Variants in CNTN6 observed in about 807,000 individuals in gnomAD.
CNTN6 encodes contactin 6.
A neutral mutation model predicts 122.8 loss-of-function variants in CNTN6; 137 were observed. That is an observed-to-expected ratio of 1.12 (90% CI 0.97 to 1.29). The LOEUF (loss-of-function observed/expected upper bound fraction) is 1.29. Ranked by LOEUF, CNTN6 falls within the 50% of genes most tolerant of loss-of-function variation. CNTN6 has a pLI of 0.00. For missense variants in CNTN6, 1,634 were observed against 1,223.4 expected (o/e 1.34, Z -5.01); for synonymous variants, 570 against 426.0 (o/e 1.34, Z -4.16).
rs1033835930 is a variant in CNTN6, at chr3:1,212,253, T to C, written c.56-8434T>C. 3.6e-5 allele frequency among the ~76,000 whole-genome samples: 2 copies of C among 55,834 alleles called. 1 individual carries two copies. Among genetic ancestry groups the C allele is most frequent in the East Asian group, 1.9e-3 (2 of 1,032 alleles). 36.6% of individuals were successfully genotyped at this position (55,834 alleles called of 152,430 possible). A position where few individuals can be genotyped will look rare whatever the true frequency, so the allele number is the denominator to read the frequency against. On this transcript the variant is annotated intron_variant, in intron 2 of 22. Coordinates refer to ENST00000446702, the MANE Select transcript of CNTN6 (RefSeq NM_001289080.2). ...TTGCCTTACTGCCAAATAAAACTTG[T>C]TTTTTTTTTTTTTTTTTGAGATAAG... is the stretch of plus-strand genomic sequence containing the variant.
chr3:1,390,588 C>CA (rs1165534365), intron 20 of CNTN6, among the ~76,000 whole-genome samples: 2 of 152,000 alleles, frequency 1.3e-5, no homozygotes, highest in Admixed American at 6.5e-5. Flanking sequence ...AATAGAGACA[C>CA]AAAAAACCCT....
chr3:1,217,933 C>T (rs2094150609), intron 2 of CNTN6, among the ~76,000 whole-genome samples: 1 of 152,212 alleles, frequency 6.6e-6, no homozygotes, highest in Admixed American at 6.5e-5. Flanking sequence ...TCACCTTACA[C>T]ATGAGTACTA....
chr3:1,335,398 C>G (rs1399282562), intron 11 of CNTN6, among the ~76,000 whole-genome samples: 2 of 152,158 alleles, frequency 1.3e-5, no homozygotes, highest in Non-Finnish European at 2.9e-5. Flanking sequence ...TCTCAGGCAA[C>G]TGAGGGAATC....
At chr3:1,382,892 T>A (rs1559980504) in intron 17 of CNTN6, 50 bp from the exon 18 acceptor site, 1 of 1,192,740 alleles carries the variant, frequency 8.4e-7, no homozygotes, top group East Asian at 2.3e-5. Context: ...TATAGTAGCT[T>A]AATAAAATAT....
chr3:1,129,158 G>C (rs2092266281), intron 1 of CNTN6, among the ~76,000 whole-genome samples: 1 of 152,056 alleles, frequency 6.6e-6, no homozygotes, highest in African/African-American at 2.4e-5. Flanking sequence ...AATCAATCTT[G>C]AGAGACCAGC....
chr3:1,351,036 T>G (rs929768973), intron 11 of CNTN6, among the ~76,000 whole-genome samples: 6 of 151,828 alleles, frequency 4.0e-5, no homozygotes, highest in African/African-American at 1.4e-4. Context: ...GGGAGAATAC[T>G]CTAAGATAAT....
At chr3:1,276,809 T>C (rs1309034288) in intron 4 of CNTN6, among the ~76,000 whole-genome samples, 2 of 152,196 alleles carry the variant, frequency 1.3e-5, no homozygotes, top group Non-Finnish European at 2.9e-5. Context: ...AATTTACTTA[T>C]ATGTAATATA....
intron 3 of CNTN6, among the ~76,000 whole-genome samples, chr3:1,226,598 G>T (rs566393924): frequency 6.6e-6 from 1 of 152,068 alleles, no homozygotes; most frequent in African/African-American, 2.4e-5. Context: ...CTAACTTCCC[G>T]CCAGTTTCTT....
At chr3:1,206,473 C>T (rs906234571) in intron 2 of CNTN6, among the ~76,000 whole-genome samples, 1 of 152,116 alleles carries the variant, frequency 6.6e-6, no homozygotes, top group South Asian at 2.1e-4. Context: ...GGGTGTCACT[C>T]AAGGTATTGT....
chr3:1,355,240 C>G (rs1223967336), intron 12 of CNTN6, among the ~76,000 whole-genome samples: 1 of 151,556 alleles, frequency 6.6e-6, no homozygotes. Flanking sequence ...CACACAAATA[C>G]ATATAAATAA....
intron 22 of CNTN6, 134 bp downstream of exon 22, chr3:1,402,620 T>A: frequency 1.5e-6 from 1 of 669,168 alleles, no homozygotes; most frequent in Non-Finnish European, 2.4e-6. Context: ...GAGCAAAAGG[T>A]GATGAGCCAT....
rs1260928896 is a variant in CNTN6, at chr3:1,383,178, T to C, written c.2401+2T>C. On this transcript the variant is annotated splice_donor_variant, in intron 18 of 22. Coordinates refer to ENST00000446702, the MANE Select transcript of CNTN6 (RefSeq NM_001289080.2). LOFTEE classifies it high-confidence loss of function. Reference sequence around the variant, plus strand: ...CCATTGTCTACTCTGGGGAAGATGGTAAGTTGTCCTCAACTCTGGTTTTCT... The same window carrying C: ...CCATTGTCTACTCTGGGGAAGATGGCAAGTTGTCCTCAACTCTGGTTTTCT... 6.2e-7 allele frequency: 1 copy of C among 1,611,278 alleles called. No individual in the cohort carries two copies. Among genetic ancestry groups the C allele is most frequent in the Non-Finnish European group, 8.5e-7 (1 of 1,177,508 alleles).
intron 4 of CNTN6, among the ~76,000 whole-genome samples, chr3:1,277,155 G>T (rs1048001943): frequency 6.6e-6 from 1 of 151,976 alleles, no homozygotes; most frequent in African/African-American, 2.4e-5. Context: ...ATAGATCTTG[G>T]TAGACAATTT....
chr3:1,114,692 C>T (rs528907859), intron 1 of CNTN6, among the ~76,000 whole-genome samples: 4 of 152,222 alleles, frequency 2.6e-5, no homozygotes, highest in South Asian at 4.1e-4. Context: ...AAGAATACTT[C>T]GCAAAAGTGG....
chr3:1,375,103 C>T (rs1459264433), intron 16 of CNTN6, among the ~76,000 whole-genome samples: 1 of 151,928 alleles, frequency 6.6e-6, no homozygotes, highest in African/African-American at 2.4e-5. Context: ...AATAGATTAG[C>T]CAAAGAAAGT....
intron 2 of CNTN6, among the ~76,000 whole-genome samples, chr3:1,157,864 T>C (rs1240928850): frequency 1.3e-5 from 2 of 152,224 alleles, no homozygotes; most frequent in Non-Finnish European, 2.9e-5. Context: ...CCATTTTGCA[T>C]ACGCACCACA....
At chr3:1,112,623 G>T (rs554367047) in intron 1 of CNTN6, among the ~76,000 whole-genome samples, 7 of 152,226 alleles carry the variant, frequency 4.6e-5, no homozygotes, top group Admixed American at 3.9e-4. Flanking sequence ...TTTGAGGACA[G>T]ATCTTCCCCT....
Position 1,209,964 on chromosome 3 carries a change from ATC to A in CNTN6, c.56-10717_56-10716del, listed in dbSNP as rs1156727228. ...TGCTCCCACCACCTTAGTAAGATGT[ATC>A]TCTCTACTTAGACTAGTATAAGAAT... On this transcript the variant is annotated intron_variant, in intron 2 of 22. Transcript: ENST00000446702. Among the ~76,000 whole-genome samples, 9 of 152,326 alleles carry A rather than the reference ATC, an allele frequency of 5.9e-5. No homozygotes were observed. In the East Asian group the frequency reaches 1.7e-3, roughly 29 times the overall value.
chr3:1,286,733 G>C (rs1694409463), intron 5 of CNTN6, among the ~76,000 whole-genome samples: 1 of 152,034 alleles, frequency 6.6e-6, no homozygotes, highest in South Asian at 2.1e-4. Context: ...ACACAGACTG[G>C]CAAATTGGAT....
Sources: gnomAD v4.1 joint callset for allele counts (sites outside exome capture counted in the v4.1 genomes callset) on GRCh38, gnomAD v4.1.1 for gene constraint, MANE v1.5 for transcripts, NCBI Gene and HGNC (gene_info 2026-07-23, HGNC 2026-07-21) for gene names.